The following ACACB variants were observed in gnomAD, a reference collection of about 807,000 sequenced individuals.
ACACB encodes the protein acetyl-CoA carboxylase beta, also known as acetyl-CoA carboxylase 2.
Under a neutral mutation model 278.8 loss-of-function variants are expected in ACACB, and 209 were observed. The observed-to-expected ratio is 0.75, with a 90% CI of 0.67 to 0.84. ACACB has a LOEUF of 0.84. Ranked by LOEUF, ACACB falls within the 40% of genes least tolerant of loss-of-function variation. The probability of loss-of-function intolerance (pLI) is 0.00; values close to 1 mark genes in which losing one functional copy is unlikely to be tolerated. For missense variants in ACACB, 2,850 were observed against 3,269.0 expected, an observed-to-expected ratio of 0.87 and a Z score of 3.13; for synonymous variants, 1,174 against 1,285.6, an observed-to-expected ratio of 0.91 and a Z score of 1.86.
chr12:109,157,090 A>T (rs2043564650), intron 2 of ACACB, among the ~76,000 whole-genome samples: 1 of 152,028 alleles, frequency 6.6e-6, no homozygotes, highest in Non-Finnish European at 1.5e-5. Flanking sequence ...AATAATATGG[A>T]CATACTTTGT....
At chr12:109,230,632 G>A (rs1001543806) in intron 28 of ACACB, among the ~76,000 whole-genome samples, 4 of 152,092 alleles carry the variant, frequency 2.6e-5, no homozygotes, top group African/African-American at 9.7e-5. Flanking sequence ...GTCTCACTAT[G>A]TGGCCCAGGT....
chr12:109,232,372 T>C (rs561129996), intron 28 of ACACB, among the ~76,000 whole-genome samples: 1 of 152,278 alleles, frequency 6.6e-6, no homozygotes, highest in Non-Finnish European at 1.5e-5. Context: ...TTCTTCTCTG[T>C]GGTCAAGTTC....
At chr12:109,199,321 A>G (rs1298933051) in intron 17 of ACACB, 81 bp from the exon 18 acceptor site, 16 of 1,213,580 alleles carry the variant, frequency 1.3e-5, no homozygotes, top group African/African-American at 1.6e-5. Context: ...AGGAAGGGGA[A>G]ATGGTATTGA....
chr12:109,161,545 AAAAAT>A (rs915399868), intron 2 of ACACB, among the ~76,000 whole-genome samples: 3 of 152,158 alleles, frequency 2.0e-5, no homozygotes, highest in Non-Finnish European at 2.9e-5. Context: ...GCAGTCTCAG[AAAAAT>A]AAAATAAAAT....
At chr12:109,117,359 C>CAA (rs36115918) in intron 1 of ACACB, among the ~76,000 whole-genome samples, 1 of 114,024 alleles carries the variant, frequency 8.8e-6, no homozygotes, top group African/African-American at 3.4e-5. Context: ...GACTCTGTCT[C>CAA]AAAAAAAAAA....
intron 6 of ACACB, 48 bp from the exon 7 acceptor site, chr12:109,174,084 C>A: frequency 6.5e-7 from 1 of 1,540,356 alleles, no homozygotes; most frequent in Non-Finnish European, 8.8e-7. Flanking sequence ...CCTCGAGGGT[C>A]TTGTGACTGA....
chr12:109,247,540 A>G lies in ACACB; in HGVS notation c.5572-66A>G, dbSNP rs529369152. Reference sequence around the variant, plus strand: ...CCATCCCTACGATGTTCACATTAAGAAAAAAAAAACAGTGGCTTTCAGTGC... The same window carrying G: ...CCATCCCTACGATGTTCACATTAAGGAAAAAAAAACAGTGGCTTTCAGTGC... On this transcript the variant is annotated intron_variant, in intron 39 of 52. Transcript: ENST00000338432. 3.5e-4 allele frequency: 387 copies of G among 1,111,656 alleles called. No homozygotes were observed. The African/African-American group carries it at 7.6e-3, about 22-fold the overall frequency. 68.9% of individuals were successfully genotyped at this position (1,111,656 alleles called of 1,614,324 possible).
intron 42 of ACACB, 43 bp from the exon 43 acceptor site, chr12:109,252,972 C>T (rs2047135202): frequency 2.0e-6 from 3 of 1,531,474 alleles, no homozygotes; most frequent in Non-Finnish European, 2.6e-6. Context: ...TGGTAGAGCC[C>T]TGCACCGTGC....
At chr12:109,241,385 C>T in intron 36 of ACACB, 104 bp downstream of exon 36, 4 of 1,173,058 alleles carry the variant, frequency 3.4e-6, no homozygotes, top group Non-Finnish European at 5.0e-6. Context: ...TCTTGCCTTG[C>T]TCTCCCATGT....
chr12:109,174,279 G>A (rs1483119341), intron 7 of ACACB, 49 bp downstream of exon 7: 4 of 1,456,298 alleles, frequency 2.7e-6, no homozygotes, highest in Admixed American at 1.9e-5. Flanking sequence ...GCCCAGTCTT[G>A]ATAATGTGAA....
chr12:109,238,682 C>T (rs1270678521), intron 34 of ACACB, among the ~76,000 whole-genome samples: 1 of 151,112 alleles, frequency 6.6e-6, no homozygotes, highest in African/African-American at 2.4e-5. Context: ...TCTCCTGCCT[C>T]AGCCTTCTGA....
chr12:109,238,162 A>G (rs1401310804), intron 34 of ACACB, among the ~76,000 whole-genome samples: 3 of 151,254 alleles, frequency 2.0e-5, no homozygotes, highest in African/African-American at 2.4e-5. Context: ...GACTGTTTCT[A>G]GACACAATTC....
At chr12:109,171,741 A>T in intron 4 of ACACB, 64 bp from the exon 5 acceptor site, 1 of 1,229,822 alleles carries the variant, frequency 8.1e-7, no homozygotes. Flanking sequence ...CACATCTTGT[A>T]ATGTTCTGCC....
chr12:109,202,991 C>T (rs2045381211), intron 19 of ACACB, among the ~76,000 whole-genome samples: 1 of 152,182 alleles, frequency 6.6e-6, no homozygotes, highest in Non-Finnish European at 1.5e-5. Context: ...TGAAACTTGA[C>T]ACTCGTTAAA....
intron 16 of ACACB, among the ~76,000 whole-genome samples, chr12:109,195,366 T>A (rs527314148): frequency 6.6e-6 from 1 of 152,352 alleles, no homozygotes; most frequent in Admixed American, 6.5e-5. Flanking sequence ...CTTTGGAGAT[T>A]TGGGGGCTTT....
intron 2 of ACACB, among the ~76,000 whole-genome samples, chr12:109,154,316 G>A (rs1020955831): frequency 6.6e-6 from 1 of 152,180 alleles, no homozygotes; most frequent in Non-Finnish European, 1.5e-5. Context: ...CAGGACTTTG[G>A]GAAATAAAAG....
rs769511892 is a variant in ACACB at position 109,166,972 on chromosome 12, G to A, written c.765G>A (p.Gly255=). Residue 255 remains glycine (G), a synonymous_variant, in exon 3 of 53, where the codon GGG becomes GGA. Coordinates refer to ENST00000338432, the MANE Select transcript of ACACB (RefSeq NM_001093.4). The part of the protein sequence containing the change: ...ASPAEFVTRF[G]GDRVIEKVLI... ...CCGCTGAGTTTGTCACACGCTTTGG[G>A]GGGGATCGGGTCATCGAGAAGGTAC... The A allele has an allele frequency of 8.1e-6, 13 of 1,614,052 alleles. No individual in the cohort carries two copies. Among genetic ancestry groups the A allele is most frequent in the Non-Finnish European group, 1.0e-5 (12 of 1,180,010 alleles).
intron 34 of ACACB, 88 bp from the exon 35 acceptor site, chr12:109,239,742 C>A: frequency 7.1e-7 from 1 of 1,413,362 alleles, no homozygotes; most frequent in Non-Finnish European, 9.4e-7. Flanking sequence ...TTCCTCCTGT[C>A]TCTGCCTCTT....
At chr12:109,223,676 C>A (rs1046827437) in intron 26 of ACACB, 139 bp from the exon 27 acceptor site, 3 of 749,614 alleles carry the variant, frequency 4.0e-6, no homozygotes, top group Non-Finnish European at 7.0e-6. Context: ...GTGGGGAGAT[C>A]GCTTCAGCCT....
Sources: allele counts gnomAD v4.1 joint callset (sites outside exome capture counted in the v4.1 genomes callset), GRCh38; gene constraint gnomAD v4.1.1; transcripts MANE v1.5; gene names NCBI Gene and HGNC (gene_info 2026-07-23, HGNC 2026-07-21).